FSTL4: variants seen among roughly 807,000 people sequenced by gnomAD.
FSTL4 encodes follistatin like 4, also known as follistatin-related protein 4.
A neutral mutation model predicts 78.2 loss-of-function variants in FSTL4; 28 were observed. That is an observed-to-expected ratio of 0.36 (90% CI 0.27 to 0.49). The LOEUF (loss-of-function observed/expected upper bound fraction) is 0.49. FSTL4 is among the 20% of genes least tolerant of loss of function. FSTL4 has a pLI of 0.98. For missense variants in FSTL4, 922 were observed against 1,084.9 expected, an observed-to-expected ratio of 0.85 and a Z score of 2.11; for synonymous variants, 422 against 440.5, an observed-to-expected ratio of 0.96 and a Z score of 0.53.
At chr5:133,596,880 A>T (rs1760747009) in intron 2 of FSTL4, among the ~76,000 whole-genome samples, 1 of 152,190 alleles carries the variant, frequency 6.6e-6, no homozygotes, top group Non-Finnish European at 1.5e-5. Flanking sequence ...AACAAGGCTG[A>T]TTTTTATTAG....
At chr5:133,741,123 C>CA in the FSTL4 span, among the ~76,000 whole-genome samples, 1 of 152,154 alleles carries the variant, frequency 6.6e-6, no homozygotes, top group Admixed American at 6.5e-5. Flanking sequence ...AAGACACCCC[C>CA]ACCAACAACT....
Position 133,210,194 on chromosome 5 carries a change from G to A in FSTL4, c.1713C>T (p.Leu571=), listed in dbSNP as rs368570687. The change falls in exon 14 of 16, where the codon CTC becomes CTT. Residue 571 remains leucine (L), a synonymous_variant. Transcript: ENST00000265342. ...WGDVHKSRPS[L]QVITEASTGQ... ...AGCCTCCATGTGCTCAACATACCTG[G>A]AGACTTGGTCGGGACTTGTGCACGT... 19 of 1,565,056 alleles carry A rather than the reference G, an allele frequency of 1.2e-5. No individual in the cohort carries two copies. The African/African-American group carries it at 2.3e-4, about 19-fold the overall frequency.
intron 6 of FSTL4, among the ~76,000 whole-genome samples, chr5:133,298,065 A>G (rs1753446199): frequency 6.6e-6 from 1 of 152,104 alleles, no homozygotes; most frequent in South Asian, 2.1e-4. Flanking sequence ...TGGAAGCTGA[A>G]CTCCTGGGTT....
intron 3 of FSTL4, among the ~76,000 whole-genome samples, chr5:133,454,085 T>C (rs1580719273): frequency 6.6e-6 from 1 of 152,104 alleles, no homozygotes; most frequent in East Asian, 1.9e-4. Context: ...ATGAGGATAA[T>C]GCAATCTCTT....
intron 6 of FSTL4, among the ~76,000 whole-genome samples, chr5:133,253,158 C>T (rs1390966533): frequency 1.3e-5 from 2 of 152,250 alleles, no homozygotes; most frequent in South Asian, 2.1e-4. Flanking sequence ...TCCTTCCACC[C>T]TCACTCCCCG....
intron 3 of FSTL4, among the ~76,000 whole-genome samples, chr5:133,540,736 A>AAAAAAG (rs1191783031): frequency 6.0e-5 from 9 of 150,968 alleles, no homozygotes; most frequent in African/African-American, 1.2e-4. Context: ...AAAAAAAAAA[A>AAAAAAG]AAAGAAAGAA....
intron 6 of FSTL4, among the ~76,000 whole-genome samples, chr5:133,305,923 A>G (rs1360970664): frequency 2.0e-5 from 3 of 152,144 alleles, no homozygotes; most frequent in East Asian, 3.8e-4. Flanking sequence ...CTCCCTGCCC[A>G]GGAGCTCACC....
intron 4 of FSTL4, among the ~76,000 whole-genome samples, chr5:133,342,367 A>G (rs1323405175): frequency 6.6e-6 from 1 of 152,180 alleles, no homozygotes; most frequent in Non-Finnish European, 1.5e-5. Flanking sequence ...GGAGTCAAAG[A>G]AAACAAAACT....
At position 133,509,915 on chromosome 5, in the gene FSTL4, T is replaced by C. The variant is rs1246701014; in HGVS notation, c.160+57271A>G. ...ACCTTGGCAGGAACCTCAGAAGTCA[T>C]GCACGTGTTCACTGACCACAGAGCT... On this transcript the variant is annotated intron_variant, in intron 3 of 15. Transcript: ENST00000265342. Among the ~76,000 whole-genome samples the C allele has an allele frequency of 2.6e-5, 4 of 152,354 alleles. No individual in the cohort carries two copies. The East Asian group carries it at 7.7e-4, about 29-fold the overall frequency.
At chr5:133,590,155 C>A (rs183847084) in intron 2 of FSTL4, among the ~76,000 whole-genome samples, 1 of 151,852 alleles carries the variant, frequency 6.6e-6, no homozygotes, top group Admixed American at 6.6e-5. Context: ...CGCTCTGTCA[C>A]CAGGCTAGAG....
At chr5:133,267,233 G>A (rs548169153) in intron 6 of FSTL4, among the ~76,000 whole-genome samples, 29 of 152,292 alleles carry the variant, frequency 1.9e-4, no homozygotes, top group African/African-American at 5.3e-4. Flanking sequence ...GTGAGGAGGC[G>A]GGCACAGGAC....
the FSTL4 span, among the ~76,000 whole-genome samples, chr5:133,622,695 C>T: frequency 6.6e-6 from 1 of 152,022 alleles, no homozygotes; most frequent in Non-Finnish European, 1.5e-5. Flanking sequence ...TTTTCATGTG[C>T]TTATTTGTCA....
chr5:133,801,643 G>C, the FSTL4 span, among the ~76,000 whole-genome samples: 1 of 152,274 alleles, frequency 6.6e-6, no homozygotes, highest in African/African-American at 2.4e-5. Context: ...CCGCCCCACT[G>C]CCAGCCAGGG....
At chr5:133,593,693 T>C (rs1760684268) in intron 2 of FSTL4, among the ~76,000 whole-genome samples, 1 of 152,230 alleles carries the variant, frequency 6.6e-6, no homozygotes, top group South Asian at 2.1e-4. Context: ...GATGGACTTC[T>C]TTCTTTATTA....
the FSTL4 span, among the ~76,000 whole-genome samples, chr5:133,674,828 G>A: frequency 1.8e-4 from 27 of 152,144 alleles, no homozygotes; most frequent in African/African-American, 6.5e-4. Flanking sequence ...GAAATTGAAT[G>A]TTCTTCTTCA....
chr5:133,645,979 T>G, the FSTL4 span, among the ~76,000 whole-genome samples: 1 of 152,140 alleles, frequency 6.6e-6, no homozygotes, highest in African/African-American at 2.4e-5. Context: ...GTTAGTGCAT[T>G]GTGTTATGGC....
chr5:133,813,279 A>G, the FSTL4 span, among the ~76,000 whole-genome samples: 1 of 152,394 alleles, frequency 6.6e-6, no homozygotes, highest in African/African-American at 2.4e-5. Context: ...AACGTAACAT[A>G]TCTGAAATAT....
chr5:133,243,237 A>G (rs1207401786), intron 7 of FSTL4, among the ~76,000 whole-genome samples: 1 of 135,124 alleles, frequency 7.4e-6, no homozygotes, highest in Admixed American at 6.8e-5. Context: ...AGATTCAGTG[A>G]AAAAAAAACC....
At chr5:133,631,079 C>A in the FSTL4 span, among the ~76,000 whole-genome samples, 2 of 152,110 alleles carry the variant, frequency 1.3e-5, no homozygotes, top group Non-Finnish European at 2.9e-5. Context: ...ATTCAGGACA[C>A]AGGCATGGGC....
Sources: gnomAD v4.1 joint callset for allele counts (sites outside exome capture counted in the v4.1 genomes callset) on GRCh38, gnomAD v4.1.1 for gene constraint, MANE v1.5 for transcripts, NCBI Gene and HGNC (gene_info 2026-07-23, HGNC 2026-07-21) for gene names.